TEAD1: variants seen among roughly 807,000 people sequenced by gnomAD.
The protein encoded by TEAD1 is transcriptional enhancer factor TEF-1.
TEAD1 carries 9 observed loss-of-function variants against 54.9 expected under a neutral mutation model. That is an observed-to-expected ratio of 0.16 (90% CI 0.10 to 0.29). The LOEUF (loss-of-function observed/expected upper bound fraction) is 0.29, where lower values mean the gene tolerates loss of function less well. Ranked by LOEUF, TEAD1 falls within the 10% of genes least tolerant of loss-of-function variation. The probability of loss-of-function intolerance (pLI) is 1.00; values close to 1 mark genes in which losing one functional copy is unlikely to be tolerated. For missense variants in TEAD1, 387 were observed against 535.9 expected (o/e 0.72, Z 2.74); for synonymous variants, 200 against 187.8 (o/e 1.07, Z -0.53).
chr11:12,781,626 C>T (rs1320384094), intron 3 of TEAD1, among the ~76,000 whole-genome samples: 3 of 144,974 alleles, frequency 2.1e-5, no homozygotes, highest in African/African-American at 7.9e-5. Flanking sequence ...CACTTTATAT[C>T]TCTTAGGATG....
chr11:12,690,614 C>G (rs1314512123), intron 2 of TEAD1, among the ~76,000 whole-genome samples: 1 of 152,092 alleles, frequency 6.6e-6, no homozygotes, highest in Non-Finnish European at 1.5e-5. Flanking sequence ...TTTTTTGATG[C>G]AAATATTTCA....
At chr11:12,842,563 C>T (rs10500763) in intron 3 of TEAD1, among the ~76,000 whole-genome samples, 4,087 of 152,180 alleles carry the variant, frequency 0.027, 199 homozygotes, top group African/African-American at 0.091. Context: ...ATTTCTCTGT[C>T]GTTTCTCAAG....
chr11:12,852,521 C>T (rs1452932859), intron 3 of TEAD1, among the ~76,000 whole-genome samples: 1 of 150,916 alleles, frequency 6.6e-6, no homozygotes, highest in African/African-American at 2.4e-5. Context: ...GATCTTGGCT[C>T]ACTGCAACCT....
chr11:12,700,315 T>C (rs1407146394), intron 2 of TEAD1, among the ~76,000 whole-genome samples: 2 of 152,136 alleles, frequency 1.3e-5, no homozygotes, highest in Non-Finnish European at 2.9e-5. Flanking sequence ...TAACTAGAGA[T>C]CCCTTAGATA....
intron 10 of TEAD1, chr11:12,922,959 C>T (rs1450829113): frequency 6.8e-6 from 1 of 146,744 alleles, no homozygotes; most frequent in East Asian, 2.0e-4. Context: ...AGTGCCAAAC[C>T]GCACAAAATA....
chr11:12,929,632 G>T (rs1262857814), intron 11 of TEAD1, among the ~76,000 whole-genome samples: 1 of 151,758 alleles, frequency 6.6e-6, no homozygotes, highest in Non-Finnish European at 1.5e-5. Flanking sequence ...TATCTAGGAA[G>T]CCTTGTTTCT....
chr11:12,715,868 C>T (rs1276423589), intron 2 of TEAD1, among the ~76,000 whole-genome samples: 2 of 151,838 alleles, frequency 1.3e-5, no homozygotes, highest in East Asian at 1.9e-4. Flanking sequence ...TTTTTATTTC[C>T]CGAATCTAGC....
rs955402098 is a variant in TEAD1, at chr11:12,776,552, T to TGTA, written c.202+12118_202+12119insGTA. Among the ~76,000 whole-genome samples, 18 of 152,204 alleles carry TGTA rather than the reference T, an allele frequency of 1.2e-4. No homozygotes were observed. In the East Asian group the frequency reaches 1.9e-3, roughly 16 times the overall value. Reference sequence around the variant, plus strand: ...TTTAGAGAACAAAAACACTGGGTACTTTACAGTGTGCTACAGATTCTCATT... The same window carrying TGTA: ...TTTAGAGAACAAAAACACTGGGTACTGTATTACAGTGTGCTACAGATTCTCATT... On this transcript the variant is annotated intron_variant, in intron 3 of 12. Coordinates refer to ENST00000527636, the MANE Select transcript of TEAD1 (RefSeq NM_021961.6).
chr11:12,793,285 A>G (rs1590157294), intron 3 of TEAD1, among the ~76,000 whole-genome samples: 1 of 152,196 alleles, frequency 6.6e-6, no homozygotes, highest in Non-Finnish European at 1.5e-5. Flanking sequence ...GCACAGTTAA[A>G]GGATAGATAT....
At chr11:12,759,659 G>A (rs967055577) in intron 2 of TEAD1, among the ~76,000 whole-genome samples, 4 of 152,130 alleles carry the variant, frequency 2.6e-5, no homozygotes, top group East Asian at 1.9e-4. Context: ...TCAGGAGTTC[G>A]AGACCAGCCT....
At chr11:12,725,901 G>A (rs1944301285) in intron 2 of TEAD1, among the ~76,000 whole-genome samples, 1 of 152,170 alleles carries the variant, frequency 6.6e-6, no homozygotes, top group Non-Finnish European at 1.5e-5. Flanking sequence ...AGAGCCAGAA[G>A]GAACCATGGA....
chr11:12,731,537 T>C (rs905545770), intron 2 of TEAD1, among the ~76,000 whole-genome samples: 3 of 152,212 alleles, frequency 2.0e-5, no homozygotes, highest in Admixed American at 1.3e-4. Context: ...ATATCTTTAA[T>C]ATCAATAAAT....
rs1025877066 is a variant in TEAD1, at chr11:12,944,409, A to T, written c.*7187A>T. On this transcript the variant is annotated 3_prime_UTR_variant, in exon 13 of 13. Coordinates refer to ENST00000527636, the MANE Select transcript of TEAD1 (RefSeq NM_021961.6). ...GTTCTAAGTGTTGGCTTTAAAGTGAATTTATCTTTAGTATGATAGTTATAT... is the reference window on the plus strand; with the variant it reads ...GTTCTAAGTGTTGGCTTTAAAGTGATTTTATCTTTAGTATGATAGTTATAT... 6.6e-6 allele frequency: 1 copy of T among 152,436 alleles called. No homozygotes were observed. The highest frequency in any genetic ancestry group is 1.5e-5 in the Non-Finnish European group (1 of 68,010). The allele number at this position is 152,436 out of a possible 1,614,324, so 9.4% of individuals were successfully genotyped here. A position where few individuals can be genotyped will look rare whatever the true frequency, so the allele number is the denominator to read the frequency against.
intron 5 of TEAD1, among the ~76,000 whole-genome samples, chr11:12,868,547 T>C (rs1247617161): frequency 6.6e-6 from 1 of 152,228 alleles, no homozygotes; most frequent in Non-Finnish European, 1.5e-5. Flanking sequence ...TGAAAATCCG[T>C]TAGAATAAAT....
intron 3 of TEAD1, among the ~76,000 whole-genome samples, chr11:12,817,995 A>G (rs1049410251): frequency 1.3e-5 from 2 of 152,234 alleles, no homozygotes; most frequent in Non-Finnish European, 2.9e-5. Flanking sequence ...GTATATCTGG[A>G]TGGCAAAGAA....
chr11:12,675,359 C>T (rs942307817), intron 1 of TEAD1, 50 bp from the exon 2 acceptor site: 3 of 152,318 alleles, frequency 2.0e-5, no homozygotes, highest in Non-Finnish European at 1.5e-5. Flanking sequence ...GGGTTCGCTC[C>T]TTCTTCTCAA....
chr11:12,742,000 T>C (rs1944660084), intron 2 of TEAD1, among the ~76,000 whole-genome samples: 1 of 152,196 alleles, frequency 6.6e-6, no homozygotes, highest in Non-Finnish European at 1.5e-5. Context: ...CACAAGCACC[T>C]GATACAGAGC....
chr11:12,840,846 G>A lies in TEAD1; in HGVS notation c.203-21404G>A, dbSNP rs1380175853. Among the ~76,000 whole-genome samples the A allele has an allele frequency of 3.9e-5, 6 of 152,172 alleles. No homozygotes were observed. The South Asian group carries it at 6.2e-4, about 16-fold the overall frequency. On this transcript the variant is annotated intron_variant, in intron 3 of 12. Transcript: ENST00000527636. ...TCAGAGTTCTGGTGGATATTTGATT[G>A]CTCTCCATTGGTAGTAACTTTATTG...
chr11:12,701,222 T>G (rs1294589206), intron 2 of TEAD1, among the ~76,000 whole-genome samples: 2 of 152,196 alleles, frequency 1.3e-5, no homozygotes, highest in Non-Finnish European at 2.9e-5. Context: ...ACTTAGATTT[T>G]TTTTTTCTTT....
Sources: allele counts gnomAD v4.1 joint callset (sites outside exome capture counted in the v4.1 genomes callset), GRCh38; gene constraint gnomAD v4.1.1; transcripts MANE v1.5; gene names NCBI Gene and HGNC (gene_info 2026-07-23, HGNC 2026-07-21).